Variants in GALNTL6 observed in about 807,000 individuals in gnomAD.
GALNTL6 encodes the protein polypeptide N-acetylgalactosaminyltransferase-like 6.
A neutral mutation model predicts 73.7 loss-of-function variants in GALNTL6; 46 were observed. The ratio of observed to expected loss-of-function variants is 0.62; its 90% CI spans 0.49 to 0.80. The LOEUF (loss-of-function observed/expected upper bound fraction) is 0.80, where lower values mean the gene tolerates loss of function less well. Among genes scored for constraint, GALNTL6 ranks in the 30% least tolerant of loss-of-function variants. GALNTL6 has a pLI of 0.00. For missense variants in GALNTL6, 604 were observed against 755.0 expected (o/e 0.80, Z 2.34); for synonymous variants, 259 against 263.7 (o/e 0.98, Z 0.17).
chr4:172,337,035 C>G (rs754264857), intron 4 of GALNTL6, among the ~76,000 whole-genome samples: 5 of 151,958 alleles, frequency 3.3e-5, no homozygotes, highest in Non-Finnish European at 4.4e-5. Context: ...TTCTTTTTCC[C>G]TTTTTTGCTG....
chr4:171,904,811 C>T (rs1267643242), intron 2 of GALNTL6, among the ~76,000 whole-genome samples: 1 of 152,152 alleles, frequency 6.6e-6, no homozygotes, highest in Non-Finnish European at 1.5e-5. Flanking sequence ...AGAAACTCTA[C>T]ATGCCAGAAG....
chr4:172,968,264 A>G (rs1254633400), intron 10 of GALNTL6, among the ~76,000 whole-genome samples: 1 of 152,194 alleles, frequency 6.6e-6, no homozygotes, highest in Non-Finnish European at 1.5e-5. Flanking sequence ...GTACTCAGAA[A>G]TCAACAACAA....
Position 172,998,871 on chromosome 4 carries a change from TTGAG to T in GALNTL6, c.1372-10302_1372-10299del, listed in dbSNP as rs1751913970. Among the ~76,000 whole-genome samples the T allele has an allele frequency of 1.3e-5, 2 of 152,136 alleles. 1 individual carries two copies. Among genetic ancestry groups the T allele is most frequent in the South Asian group, 4.1e-4 (2 of 4,824 alleles). ...TCTCAAATTCATTTCTATTCTTTGCTTGAGTGAGATCATGTACTTCTATTATTTC... is the reference window on the plus strand; with the variant it reads ...TCTCAAATTCATTTCTATTCTTTGCTTGAGATCATGTACTTCTATTATTTC... On this transcript the variant is annotated intron_variant, in intron 10 of 12. Coordinates refer to ENST00000506823, the MANE Select transcript of GALNTL6 (RefSeq NM_001034845.3).
chr4:172,607,143 A>T (rs1438320091), intron 5 of GALNTL6, among the ~76,000 whole-genome samples: 1 of 152,166 alleles, frequency 6.6e-6, no homozygotes, highest in Non-Finnish European at 1.5e-5. Context: ...AAGAGAAAAA[A>T]GTAAACAATT....
intron 2 of GALNTL6, among the ~76,000 whole-genome samples, chr4:172,129,780 A>G (rs1437104310): frequency 6.6e-6 from 1 of 152,210 alleles, no homozygotes; most frequent in Admixed American, 6.5e-5. Flanking sequence ...TCTCAAATAA[A>G]GTAAAAAAAG....
At chr4:172,088,115 A>G in intron 2 of GALNTL6, among the ~76,000 whole-genome samples, 1 of 152,172 alleles carries the variant, frequency 6.6e-6, no homozygotes, top group Non-Finnish European at 1.5e-5. Flanking sequence ...AAAGTTTATG[A>G]TAATAATTAA....
In GALNTL6 at chr4:172,617,744, G is replaced by A. The variant is rs1350769268; in HGVS notation, c.554-191617G>A. Among the ~76,000 whole-genome samples, 5 of 152,036 alleles carry A rather than the reference G, an allele frequency of 3.3e-5. 1 individual carries two copies. In the Middle Eastern group the frequency reaches 9.5e-3, roughly 289 times the overall value. On this transcript the variant is annotated intron_variant, in intron 5 of 12. Coordinates refer to ENST00000506823, the MANE Select transcript of GALNTL6 (RefSeq NM_001034845.3). ...GATCTACCCGCCTCGGCCTCCCTAA[G>A]TACTGGGATTACAGGCGTGAGCCAC...
intron 2 of GALNTL6, among the ~76,000 whole-genome samples, chr4:171,982,589 C>T (rs1267268510): frequency 2.6e-5 from 4 of 152,108 alleles, no homozygotes; most frequent in Non-Finnish European, 5.9e-5. Context: ...TGAGCCACCG[C>T]GCCCGACCGA....
intron 5 of GALNTL6, among the ~76,000 whole-genome samples, chr4:172,438,263 C>A (rs1444507481): frequency 6.6e-6 from 1 of 152,112 alleles, no homozygotes; most frequent in African/African-American, 2.4e-5. Context: ...ATGACTTCCA[C>A]TCACCTTCAG....
chr4:171,856,970 T>A (rs1735710749), intron 2 of GALNTL6, among the ~76,000 whole-genome samples: 1 of 152,198 alleles, frequency 6.6e-6, no homozygotes, highest in Non-Finnish European at 1.5e-5. Context: ...GAAATAGCAG[T>A]GATTGTGACA....
intron 5 of GALNTL6, among the ~76,000 whole-genome samples, chr4:172,481,286 C>T (rs1733457408): frequency 1.3e-5 from 2 of 151,644 alleles, no homozygotes. Flanking sequence ...GTCTCGCAGG[C>T]CTCAGGAGTG....
chr4:172,389,062 T>C (rs1355100753), intron 5 of GALNTL6, among the ~76,000 whole-genome samples: 1 of 152,050 alleles, frequency 6.6e-6, no homozygotes, highest in East Asian at 1.9e-4. Flanking sequence ...TGCTATATGA[T>C]TATATTAGAC....
intron 5 of GALNTL6, among the ~76,000 whole-genome samples, chr4:172,372,133 C>T (rs943729697): frequency 7.2e-5 from 11 of 152,196 alleles, no homozygotes; most frequent in Non-Finnish European, 1.2e-4. Context: ...ACCTACCCTT[C>T]GTATCCTATT....
chr4:172,264,570 A>ATATATATATATATATTATATGTG (rs1738376723), intron 3 of GALNTL6, among the ~76,000 whole-genome samples: 1 of 50,074 alleles, frequency 2.0e-5, no homozygotes, highest in African/African-American at 1.0e-4. Flanking sequence ...ATATATATAT[A>ATATATATATATATATTATATGTG]TATATATATA....
chr4:171,868,822 C>T (rs1736046796), intron 2 of GALNTL6, among the ~76,000 whole-genome samples: 1 of 152,140 alleles, frequency 6.6e-6, no homozygotes, highest in Non-Finnish European at 1.5e-5. Context: ...GCCAGGATTA[C>T]AGGCGTGGGC....
intron 2 of GALNTL6, among the ~76,000 whole-genome samples, chr4:171,949,586 A>G (rs749881026): frequency 6.6e-6 from 1 of 152,232 alleles, no homozygotes; most frequent in Non-Finnish European, 1.5e-5. Context: ...AAAGTATTGC[A>G]GATATTGAAA....
At chr4:172,636,757 T>C (rs1019489217) in intron 5 of GALNTL6, among the ~76,000 whole-genome samples, 67 of 152,314 alleles carry the variant, frequency 4.4e-4, no homozygotes, top group African/African-American at 1.5e-3. Flanking sequence ...GAAACTGATA[T>C]GCTTCTTAAT....
intron 2 of GALNTL6, among the ~76,000 whole-genome samples, chr4:171,853,420 T>C (rs1225747215): frequency 1.3e-5 from 2 of 151,602 alleles, no homozygotes; most frequent in Non-Finnish European, 2.9e-5. Flanking sequence ...TCTTCCTCCT[T>C]TACTGCCCTT....
At chr4:172,197,616 G>A (rs1482946502) in intron 2 of GALNTL6, among the ~76,000 whole-genome samples, 1 of 151,024 alleles carries the variant, frequency 6.6e-6, no homozygotes, top group Non-Finnish European at 1.5e-5. Flanking sequence ...ACAGAATAGA[G>A]CAGTCAGAAA....
Sources: allele counts gnomAD v4.1 joint callset (sites outside exome capture counted in the v4.1 genomes callset), GRCh38; gene constraint gnomAD v4.1.1; transcripts MANE v1.5; gene names NCBI Gene and HGNC (gene_info 2026-07-23, HGNC 2026-07-21).